The following ZNF749 variants were observed in gnomAD, a reference collection of about 807,000 sequenced individuals.
ZNF749 encodes zinc finger protein 749.
ZNF749 carries 8 observed loss-of-function variants against 7.3 expected under a neutral mutation model. That is an observed-to-expected ratio of 1.10 (90% CI 0.64 to 1.98). ZNF749 has a LOEUF of 1.98. Ranked by LOEUF, ZNF749 falls within the 30% of genes most tolerant of loss-of-function variation. The pLI, the probability that ZNF749 is intolerant of heterozygous loss-of-function variation, is 0.00. For synonymous variants in ZNF749, 310 were observed against 322.4 expected (o/e 0.96, Z 0.41); for missense variants, 898 against 932.4 (o/e 0.96, Z 0.48).
At position 57,446,140 on chromosome 19, in the gene ZNF749, TGGCCTGTTAGGAACCG is replaced by T. The variant is rs535579963; in HGVS notation, c.*660_*675del. Among the ~76,000 whole-genome samples, 115 of 152,260 alleles carry T rather than the reference TGGCCTGTTAGGAACCG, an allele frequency of 7.6e-4. No individual in the cohort carries two copies. Among genetic ancestry groups the T allele is most frequent in the African/African-American group, 2.7e-3 (114 of 41,556 alleles). ...CAGGCTGCAAACTGGTACCAGTCTG[TGGCCTGTTAGGAACCG>T]GGCCAGCATCACTACCTGAGCTTCA... is the stretch of plus-strand genomic sequence containing the variant. On this transcript the variant is annotated 3_prime_UTR_variant, in exon 3 of 3. Transcript: ENST00000334181.
At chr19:57,435,789 C>A in intron 1 of ZNF749, 196 bp downstream of exon 1, 2 of 1,136,748 alleles carry the variant, frequency 1.8e-6, no homozygotes, top group Non-Finnish European at 2.4e-6. Flanking sequence ...GGCTTGGAGG[C>A]ACTGCAGAAC....
chr19:57,434,405 C>T (rs868654468), upstream of ZNF749, among the ~76,000 whole-genome samples: 2 of 152,184 alleles, frequency 1.3e-5, no homozygotes, highest in Admixed American at 6.5e-5. Context: ...CCCACAACCC[C>T]TTAACCCAGA....
rs756717240 is a variant in ZNF749, at chr19:57,444,238, A to G, written c.1090A>G (p.Met364Val). 2 of 1,613,984 alleles carry G rather than the reference A, an allele frequency of 1.2e-6. No individual in the cohort carries two copies. Among genetic ancestry groups the G allele is most frequent in the South Asian group, 1.1e-5 (1 of 91,078 alleles). The change falls in exon 3 of 3, where the codon ATG becomes GTG. Residue 364 changes from methionine (M) to valine (V), a missense_variant. Coordinates refer to ENST00000334181, the MANE Select transcript of ZNF749 (RefSeq NM_001023561.4). ...GTGCAGTGAATGTGGGAAATTGTTT[A>G]TGGACAGCTTCACACTCGGTAGACA... ...YECSECGKLF[M>V]DSFTLGRHQR...
upstream of ZNF749, among the ~76,000 whole-genome samples, chr19:57,434,431 A>C (rs1242638332): frequency 6.6e-6 from 1 of 152,172 alleles, no homozygotes; most frequent in Non-Finnish European, 1.5e-5. Flanking sequence ...ATTTCTACTG[A>C]TTCCAGGTCT....
chr19:57,431,778 T>C (rs925155186), upstream of ZNF749, among the ~76,000 whole-genome samples: 3 of 152,178 alleles, frequency 2.0e-5, no homozygotes, highest in Non-Finnish European at 4.4e-5. Context: ...ACCCTTGGTC[T>C]GTGATATTAG....
chr19:57,435,722 T>G, intron 1 of ZNF749, 129 bp downstream of exon 1: 1 of 1,467,716 alleles, frequency 6.8e-7, no homozygotes, highest in Non-Finnish European at 9.1e-7. Flanking sequence ...TGCCCGGGAC[T>G]GGGACTGCGG....
In ZNF749 at chr19:57,444,409, C is replaced by T; in HGVS notation, c.1261C>T (p.Leu421Phe). 1.2e-6 allele frequency: 2 copies of T among 1,613,952 alleles called. No individual in the cohort carries two copies. The highest frequency in any genetic ancestry group is 1.1e-5 in the South Asian group (1 of 91,070). Residue 421 changes from leucine to phenylalanine, a missense_variant, in exon 3 of 3, where the codon CTC becomes TTC. Leu to Phe is a conservative substitution (Grantham distance 22). Coordinates refer to ENST00000334181, the MANE Select transcript of ZNF749 (RefSeq NM_001023561.4). ...KCSECGKAFSLKHNVVQHLKI... is the reference protein window; with the variant it reads ...KCSECGKAFSFKHNVVQHLKI... ...TAGCGAATGTGGGAAAGCCTTTAGC[C>T]TCAAACATAATGTTGTTCAGCATCT...
At position 57,444,901 on chromosome 19, in the gene ZNF749, G is replaced by T. The variant is rs1163650517; in HGVS notation, c.1753G>T (p.Glu585Ter). 1 of 1,614,042 alleles carries T rather than the reference G, an allele frequency of 6.2e-7. No individual in the cohort carries two copies. The highest frequency in any genetic ancestry group is 1.7e-5 in the Admixed American group (1 of 60,004). ...AATCCAGACTGGAGAACGGCGTTAT[G>T]AATGCAATGAATGTGGGAAATTCTT... ...QKIQTGERRY[E>*]CNECGKFFLD... The change falls in exon 3 of 3, where the codon GAA (glutamate) becomes TAA (stop). Residue 585 changes from glutamate (E) to a stop codon, truncating the protein, a stop_gained. Coordinates refer to ENST00000334181, the MANE Select transcript of ZNF749 (RefSeq NM_001023561.4). LOFTEE classifies it low-confidence loss of function (END_TRUNC).
chr19:57,438,071 G>A (rs2123094154), intron 1 of ZNF749: 1 of 398,784 alleles, frequency 2.5e-6, no homozygotes, highest in East Asian at 3.6e-5. Context: ...GTACTGTCCT[G>A]ATACTCATGG....
At position 57,444,728 on chromosome 19, in the gene ZNF749, T is replaced by A. The variant is rs1408225631; in HGVS notation, c.1580T>A (p.Val527Asp). The change falls in exon 3 of 3, where the codon GTT becomes GAT. Residue 527 changes from valine (V) to aspartate (D), a missense_variant. Physicochemically the swap from Val to Asp is radical, Grantham distance 152. Coordinates refer to ENST00000334181, the MANE Select transcript of ZNF749 (RefSeq NM_001023561.4). ...GCCTTTGTTAGAAAGTCCCACCTAGTTCAGCATGAGAAAATCCACACTGAT... is the reference window on the plus strand; with the variant it reads ...GCCTTTGTTAGAAAGTCCCACCTAGATCAGCATGAGAAAATCCACACTGAT... ...AKAFVRKSHL[V>D]QHEKIHTDAF... 1 of 1,613,572 alleles carries A rather than the reference T, an allele frequency of 6.2e-7. No individual in the cohort carries two copies. Among genetic ancestry groups the A allele is most frequent in the Admixed American group, 1.7e-5 (1 of 59,960 alleles).
At chr19:57,435,932 C>T (rs2088931509) in intron 1 of ZNF749, among the ~76,000 whole-genome samples, 1 of 152,150 alleles carries the variant, frequency 6.6e-6, no homozygotes, top group East Asian at 1.9e-4. Flanking sequence ...GAGGGTCACG[C>T]CCAGAGTTAG....
In ZNF749 at chr19:57,443,803, A is replaced by G; in HGVS notation, c.655A>G (p.Asn219Asp). The change falls in exon 3 of 3, where the codon AAT (asparagine) becomes GAT (aspartate). Residue 219 changes from asparagine (N) to aspartate (D), a missense_variant. Transcript: ENST00000334181. ...GCTGTTTGAGCACCAAAAAACCCAT[A>G]ATGGGGAGAGGCCTTATGAGTTCAG... ...HGLFEHQKTH[N>D]GERPYEFSEC... 2.5e-6 allele frequency: 4 copies of G among 1,614,230 alleles called. No homozygotes were observed. The highest frequency in any genetic ancestry group is 2.5e-6 in the Non-Finnish European group (3 of 1,180,048).
chr19:57,439,170 G>A lies in ZNF749; in HGVS notation c.16-2715G>A, dbSNP rs533093046. Among the ~76,000 whole-genome samples, 20 of 152,286 alleles carry A rather than the reference G, an allele frequency of 1.3e-4. No homozygotes were observed. The South Asian group carries it at 4.1e-3, about 32-fold the overall frequency. ...ACGTGCAGGTGAGGGTGGAGCCACC[G>A]ATACCTGGGTGATGGGTCCAGCAAC... On this transcript the variant is annotated intron_variant, in intron 1 of 2. Coordinates refer to ENST00000334181, the MANE Select transcript of ZNF749 (RefSeq NM_001023561.4). This position sits in a 1 kb window ranked among gnomAD's most constrained non-coding sequence, Gnocchi z 4.3.
rs758203877 is a variant in ZNF749, at chr19:57,439,080, G to C, written c.16-2805G>C. The stretch of plus-strand genomic sequence containing the variant: ...ATGGTAACTAGGGAAGGTTTGAGGA[G>C]GGGGGAAAAAGAGGTGACCTGACCC... On this transcript the variant is annotated intron_variant, in intron 1 of 2. Transcript: ENST00000334181. This position sits in a 1 kb window ranked among gnomAD's most constrained non-coding sequence, Gnocchi z 4.3. 3.9e-5 allele frequency among the ~76,000 whole-genome samples: 6 copies of C among 152,074 alleles called. No homozygotes were observed. The highest frequency in any genetic ancestry group is 8.8e-5 in the Non-Finnish European group (6 of 68,002).
At chr19:57,429,018 A>G in the ZNF749 span, among the ~76,000 whole-genome samples, 1 of 152,186 alleles carries the variant, frequency 6.6e-6, no homozygotes, top group South Asian at 2.1e-4. The surrounding 1 kb of genome is among the most constrained non-coding windows in gnomAD (Gnocchi z 4.2). Flanking sequence ...TCATTCATCA[A>G]TGAATACTTT....
In ZNF749 at chr19:57,446,112, C is replaced by G. The variant is rs370165935; in HGVS notation, c.*627C>G. ...ACCCTTTAAACCAGGGGTCCACAAC[C>G]CCCAGGCTGCAAACTGGTACCAGTC... On this transcript the variant is annotated 3_prime_UTR_variant, in exon 3 of 3. Coordinates refer to ENST00000334181, the MANE Select transcript of ZNF749 (RefSeq NM_001023561.4). 3.3e-4 allele frequency among the ~76,000 whole-genome samples: 50 copies of G among 152,198 alleles called. No homozygotes were observed. The East Asian group carries it at 8.9e-3, about 27-fold the overall frequency.
At position 57,436,222 on chromosome 19, in the gene ZNF749, CAGA is replaced by C. The variant is rs2088934802; in HGVS notation, c.15+630_15+632del. On this transcript the variant is annotated intron_variant, in intron 1 of 2. Transcript: ENST00000334181. The surrounding 1 kb of genome is among the most constrained non-coding windows in gnomAD (Gnocchi z 4.0). ...AGATATCAGCTTAAGGAGCGGGTTT[CAGA>C]CAGAAGATCCTGGGTTGGATTTTGG... Among the ~76,000 whole-genome samples the C allele has an allele frequency of 5.3e-5, 8 of 152,254 alleles. No homozygotes were observed. The highest frequency in any genetic ancestry group is 3.3e-4 in the Admixed American group (5 of 15,274).
At chr19:57,432,338 G>A (rs535784362), upstream of ZNF749, among the ~76,000 whole-genome samples, 40 of 150,662 alleles carry the variant, frequency 2.7e-4, no homozygotes, top group African/African-American at 8.0e-4. Flanking sequence ...CACTTTGGGC[G>A]TCTGAGGCAG....
In ZNF749 at chr19:57,445,410, T is replaced by A. The variant is rs766774843; in HGVS notation, c.2262T>A (p.Gly754=). The change falls in exon 3 of 3, where the codon GGT becomes GGA. Residue 754 remains glycine (G), a synonymous_variant. Coordinates refer to ENST00000334181, the MANE Select transcript of ZNF749 (RefSeq NM_001023561.4). ...THTGERSYEC[G]ESSKVFKYNS... is the part of the protein sequence containing the mutation. The stretch of plus-strand genomic sequence containing the variant: ...CTGGAGAAAGGTCTTATGAGTGTGG[T>A]GAATCCAGCAAAGTGTTTAAATACA... 4.3e-6 allele frequency: 7 copies of A among 1,613,882 alleles called. No individual in the cohort carries two copies. In the African/African-American group the frequency reaches 9.3e-5, roughly 22 times the overall value.
Sources: allele counts gnomAD v4.1 joint callset (sites outside exome capture counted in the v4.1 genomes callset), GRCh38; gene constraint gnomAD v4.1.1; non-coding constraint Gnocchi (gnomAD v3.1); transcripts MANE v1.5; gene names NCBI Gene and HGNC (gene_info 2026-07-23, HGNC 2026-07-21).